The following CEP295 variants were observed in gnomAD, a reference collection of about 807,000 sequenced individuals.
CEP295 encodes centrosomal protein 295.
A neutral mutation model predicts 291.6 loss-of-function variants in CEP295; 190 were observed. The ratio of observed to expected loss-of-function variants is 0.65; its 90% CI spans 0.58 to 0.73. CEP295 has a LOEUF of 0.73. Among genes scored for constraint, CEP295 ranks in the 30% least tolerant of loss-of-function variants. The probability of loss-of-function intolerance (pLI) is 0.00; values close to 1 mark genes in which losing one functional copy is unlikely to be tolerated. For missense variants in CEP295, 2,863 were observed against 2,949.4 expected, an observed-to-expected ratio of 0.97 and a Z score of 0.68; for synonymous variants, 993 against 1,038.8, an observed-to-expected ratio of 0.96 and a Z score of 0.85.
At chr11:93,691,028 A>G (rs563089046) in intron 10 of CEP295, among the ~76,000 whole-genome samples, 1 of 152,000 alleles carries the variant, frequency 6.6e-6, no homozygotes, top group South Asian at 2.1e-4. Flanking sequence ...GATTTATTAT[A>G]CTCTATTGTA....
chr11:93,724,480 TG>T, intron 22 of CEP295, 105 bp downstream of exon 22: 1 of 1,168,212 alleles, frequency 8.6e-7, no homozygotes, highest in Non-Finnish European at 1.2e-6. Context: ...TAGAATCACA[TG>T]GAAGTCTGGG....
At position 93,729,860 on chromosome 11, in the gene CEP295, C is replaced by A. The variant is rs1411592802; in HGVS notation, c.7568-10C>A. Reference sequence around the variant, plus strand: ...GTGTTTACAACTTGATTTCACTTTTCTTTCCTCAGGTTCATCTGTGAGTCG... The same window carrying A: ...GTGTTTACAACTTGATTTCACTTTTATTTCCTCAGGTTCATCTGTGAGTCG... On this transcript the variant is annotated splice_polypyrimidine_tract_variant and intron_variant, in intron 27 of 29. Coordinates refer to ENST00000325212, the MANE Select transcript of CEP295 (RefSeq NM_033395.2). The A allele has an allele frequency of 6.5e-7, 1 of 1,538,686 alleles. No individual in the cohort carries two copies. The highest frequency in any genetic ancestry group is 8.7e-7 in the Non-Finnish European group (1 of 1,143,558).
Position 93,695,578 on chromosome 11 carries a change from G to T in CEP295, c.1615G>T (p.Asp539Tyr). 6.7e-7 allele frequency: 1 copy of T among 1,491,816 alleles called. No individual in the cohort carries two copies. Among genetic ancestry groups the T allele is most frequent in the Non-Finnish European group, 8.9e-7 (1 of 1,128,968 alleles). The allele number at this position is 1,491,816 out of a possible 1,614,324, so 92.4% of individuals were successfully genotyped here. ...IEQQKLRLET[D>Y]CFRAQLEEEK... ...ACAGCAGAAATTAAGATTAGAAACT[G>T]ACTGCTTCAGGGCTCAGCTGGAAGA... The change falls in exon 13 of 30, where the codon GAC becomes TAC. Residue 539 changes from aspartate to tyrosine, a missense_variant. Asp to Tyr is a radical substitution (Grantham distance 160). Around this residue, in one of 3 missense-constraint regions of CEP295, gnomAD observed 2,295 missense variants for 2,335.7 expected, o/e 0.98. Coordinates refer to ENST00000325212, the MANE Select transcript of CEP295 (RefSeq NM_033395.2).
chr11:93,718,504 T>G (rs1376629401), intron 18 of CEP295, among the ~76,000 whole-genome samples: 1 of 152,240 alleles, frequency 6.6e-6, no homozygotes, highest in African/African-American at 2.4e-5. Flanking sequence ...ACTGAATCTT[T>G]GAACATCTTC....
At chr11:93,667,149 A>G (rs1476655039) in intron 2 of CEP295, among the ~76,000 whole-genome samples, 1 of 152,244 alleles carries the variant, frequency 6.6e-6, no homozygotes, top group East Asian at 1.9e-4. Context: ...AAACAAATTT[A>G]TCAGGAAATT....
rs1430905122 is a variant in CEP295, at chr11:93,699,588, A to G, written c.4676A>G (p.Asp1559Gly). Residue 1559 changes from aspartate to glycine, a missense_variant, in exon 15 of 30, where the codon GAC (aspartate) becomes GGC (glycine). This residue lies in a region of CEP295 where 2,295 missense variants were observed against 2,335.7 expected (regional missense o/e 0.98). Coordinates refer to ENST00000325212, the MANE Select transcript of CEP295 (RefSeq NM_033395.2). ...TTTGTATCCCAGGTGCCTGTTGCTG[A>G]CTCTGAAAGAACCCAGAAGTCTTTC... ...SSFVSQVPVA[D>G]SERTQKSFPT... is the part of the protein sequence containing the mutation. The G allele has an allele frequency of 1.3e-6, 2 of 1,551,758 alleles. No individual in the cohort carries two copies. Among genetic ancestry groups the G allele is most frequent in the Admixed American group, 3.9e-5 (2 of 50,992 alleles).
At chr11:93,669,293 A>G (rs1184683208) in intron 4 of CEP295, among the ~76,000 whole-genome samples, 1 of 152,108 alleles carries the variant, frequency 6.6e-6, no homozygotes, top group Non-Finnish European at 1.5e-5. Flanking sequence ...TCTGGAAGTC[A>G]TTAGTATTTT....
Position 93,697,888 on chromosome 11 carries a change from G to A in CEP295, c.2976G>A (p.Glu992=). 9 of 1,551,698 alleles carry A rather than the reference G, an allele frequency of 5.8e-6. No individual in the cohort carries two copies. The highest frequency in any genetic ancestry group is 7.8e-6 in the Non-Finnish European group (9 of 1,146,974). ...GAAGAGTATGTTCCGAACAGGCTGA[G>A]CCCTCTTTCCCATTTCAGGTAGCTC... The part of the protein sequence containing the change: ...LDRRVCSEQA[E]PSFPFQVAQH... Residue 992 remains glutamate, a synonymous_variant, in exon 15 of 30, where the codon GAG becomes GAA. Transcript: ENST00000325212.
At position 93,702,874 on chromosome 11, in the gene CEP295, A is replaced by T; in HGVS notation, c.5551A>T (p.Ile1851Leu). The T allele has an allele frequency of 6.4e-7, 1 of 1,551,646 alleles. No individual in the cohort carries two copies. Residue 1851 changes from isoleucine (I) to leucine (L), a missense_variant, in exon 17 of 30, where the codon ATA becomes TTA. Physicochemically the swap from Ile to Leu is conservative, Grantham distance 5. This residue lies in a region of CEP295 where 2,295 missense variants were observed against 2,335.7 expected (regional missense o/e 0.98). Transcript: ENST00000325212. The part of the protein sequence containing the change: ...LDLNQHELSA[I>L]QEVESPAIGR... The stretch of plus-strand genomic sequence containing the variant: ...CTTAAACCAGCATGAACTTAGTGCT[A>T]TACAAGAAGTAGAGTCACCAGCAAT...
chr11:93,725,856 G>T (rs765837237), intron 23 of CEP295, 25 bp downstream of exon 23: 1 of 1,537,198 alleles, frequency 6.5e-7, no homozygotes, highest in South Asian at 1.2e-5. Flanking sequence ...GTTAGAAAAA[G>T]TTAATTTTTC....
intron 9 of CEP295, among the ~76,000 whole-genome samples, chr11:93,685,900 G>A (rs569959121): frequency 2.6e-5 from 4 of 152,048 alleles, no homozygotes; most frequent in South Asian, 2.1e-4. Context: ...TAGCAGAGAC[G>A]GGGTTTCACT....
Position 93,727,116 on chromosome 11 carries a change from G to A in CEP295, c.6640G>A (p.Glu2214Lys). Residue 2214 changes from glutamate to lysine, a missense_variant, in exon 24 of 30, where the codon GAA (glutamate) becomes AAA (lysine). Physicochemically the swap from Glu to Lys is moderately conservative, Grantham distance 56 (BLOSUM62 1). This residue lies in a region of CEP295 where 2,295 missense variants were observed against 2,335.7 expected (regional missense o/e 0.98). Coordinates refer to ENST00000325212, the MANE Select transcript of CEP295 (RefSeq NM_033395.2). Reference sequence around the variant, plus strand: ...GAAAAATCAGAACTATCCCTCTGAAGAACATACTGAAATATTACAAAACAA... The same window carrying A: ...GAAAAATCAGAACTATCCCTCTGAAAAACATACTGAAATATTACAAAACAA... Reference protein sequence around the residue: ...GMKNQNYPSEEHTEILQNKKK... With the variant: ...GMKNQNYPSEKHTEILQNKKK... 1 of 1,551,346 alleles carries A rather than the reference G, an allele frequency of 6.4e-7. No individual in the cohort carries two copies. The highest frequency in any genetic ancestry group is 8.7e-7 in the Non-Finnish European group (1 of 1,146,866).
rs78675872 is a variant in CEP295, at chr11:93,695,679, G to T, written c.1671+45G>T. 1.9e-3 allele frequency: 2,751 copies of T among 1,469,062 alleles called. 90 individuals are homozygous for T. The East Asian group carries it at 0.069, about 37-fold the overall frequency. The allele number at this position is 1,469,062 out of a possible 1,614,324, so 91.0% of individuals were successfully genotyped here. A position where few individuals can be genotyped will look rare whatever the true frequency, so the allele number is the denominator to read the frequency against. On this transcript the variant is annotated intron_variant, in intron 13 of 29. Transcript: ENST00000325212. ...ATCACTACATAAATCATTTGGTAAG[G>T]GGGGCAAGAAAATATGAGCACTTGT...
chr11:93,713,472 T>G (rs1010295042), intron 18 of CEP295, among the ~76,000 whole-genome samples: 2 of 152,212 alleles, frequency 1.3e-5, no homozygotes, highest in African/African-American at 2.4e-5. Context: ...ATCCGCACTT[T>G]TAATGTGTCA....
At position 93,678,950 on chromosome 11, in the gene CEP295, G is replaced by A. The variant is rs536509164; in HGVS notation, c.625-462G>A. On this transcript the variant is annotated intron_variant, in intron 6 of 29. Coordinates refer to ENST00000325212, the MANE Select transcript of CEP295 (RefSeq NM_033395.2). Reference sequence around the variant, plus strand: ...TAGTTTACTGGAACTTCCGCCTCCCGGGCTCAAGTGATTTTCCTGTCTCAG... The same window carrying A: ...TAGTTTACTGGAACTTCCGCCTCCCAGGCTCAAGTGATTTTCCTGTCTCAG... Among the ~76,000 whole-genome samples the A allele has an allele frequency of 1.8e-4, 27 of 152,160 alleles. No individual in the cohort carries two copies. The South Asian group carries it at 4.2e-3, about 23-fold the overall frequency.
intron 3 of CEP295, among the ~76,000 whole-genome samples, chr11:93,668,211 TTGATTTATTG>T (rs2134788105): frequency 6.6e-6 from 1 of 152,242 alleles, no homozygotes; most frequent in African/African-American, 2.4e-5. Flanking sequence ...CCCCATTATT[TTGATTTATTG>T]TGATTTATGA....
chr11:93,671,958 T>C (rs1017449231), intron 5 of CEP295, among the ~76,000 whole-genome samples: 2 of 152,234 alleles, frequency 1.3e-5, no homozygotes, highest in African/African-American at 4.8e-5. Context: ...GCTATTTACA[T>C]GGTGAAGAGA....
chr11:93,674,991 T>C (rs1416694669), intron 5 of CEP295, among the ~76,000 whole-genome samples: 1 of 152,212 alleles, frequency 6.6e-6, no homozygotes, highest in Non-Finnish European at 1.5e-5. Flanking sequence ...ATGGACTGAA[T>C]CTGCCTTTAC....
chr11:93,661,872 G>A (rs914114258), intron 1 of CEP295, 98 bp downstream of exon 1: 1 of 152,728 alleles, frequency 6.5e-6, no homozygotes, highest in Non-Finnish European at 1.5e-5. Flanking sequence ...TGGGATCCCA[G>A]GAAGGCGCCT....
Sources: allele counts gnomAD v4.1 joint callset (sites outside exome capture counted in the v4.1 genomes callset), GRCh38; gene constraint gnomAD v4.1.1; regional missense constraint gnomAD v4.1.1; transcripts MANE v1.5; gene names NCBI Gene and HGNC (gene_info 2026-07-23, HGNC 2026-07-21).